Variants in TLL1 observed in about 807,000 individuals in gnomAD.
TLL1 encodes tolloid-like protein 1.
A neutral mutation model predicts 128.2 loss-of-function variants in TLL1; 49 were observed. That is an observed-to-expected ratio of 0.38 (90% CI 0.30 to 0.48). The LOEUF (loss-of-function observed/expected upper bound fraction) is 0.48, where lower values mean the gene tolerates loss of function less well. Ranked by LOEUF, TLL1 falls within the 20% of genes least tolerant of loss-of-function variation. The pLI, the probability that TLL1 is intolerant of heterozygous loss-of-function variation, is 0.96. For missense variants in TLL1, 1,123 were observed against 1,242.0 expected (o/e 0.90, Z 1.44); for synonymous variants, 454 against 418.8 (o/e 1.08, Z -1.03).
intron 1 of TLL1, among the ~76,000 whole-genome samples, chr4:165,957,804 C>T (rs1347320583): frequency 5.3e-5 from 8 of 150,026 alleles, no homozygotes; most frequent in Admixed American, 2.0e-4. Context: ...GCTGGTGTGC[C>T]GCACCCATTA....
chr4:165,968,448 T>A (rs1299333347), intron 1 of TLL1, among the ~76,000 whole-genome samples: 2 of 152,136 alleles, frequency 1.3e-5, no homozygotes, highest in African/African-American at 4.8e-5. Context: ...ATTCTCTACA[T>A]AGGAATACAG....
Position 165,873,864 on chromosome 4 carries a change from C to T in TLL1, c.-41C>T. On this transcript the variant is annotated 5_prime_UTR_variant, in exon 1 of 21. Transcript: ENST00000061240. ...ATCAGCGCGGACCGCGGCTGCCTAA[C>T]CTCTGGGTCCCGTCCCCTCCTTTTC... 6.2e-7 allele frequency: 1 copy of T among 1,611,716 alleles called. No individual in the cohort carries two copies.
intron 1 of TLL1, among the ~76,000 whole-genome samples, chr4:165,985,629 A>G (rs1255478097): frequency 1.3e-5 from 2 of 152,042 alleles, no homozygotes; most frequent in Non-Finnish European, 2.9e-5. Context: ...GTTAGAGCTC[A>G]CTGAGGAATT....
chr4:165,941,636 G>A lies in TLL1; in HGVS notation c.170-47745G>A, dbSNP rs144027960. Among the ~76,000 whole-genome samples, 332 of 152,212 alleles carry A rather than the reference G, an allele frequency of 2.2e-3. 1 individual carries two copies. In the East Asian group the frequency reaches 0.039, roughly 18 times the overall value. The stretch of plus-strand genomic sequence containing the variant: ...TAATGCCCAGTGTCAACATAAAAAT[G>A]TACCTGATTTGAAGTATATTCATTT... On this transcript the variant is annotated intron_variant, in intron 1 of 20. Coordinates refer to ENST00000061240, the MANE Select transcript of TLL1 (RefSeq NM_012464.5).
intron 15 of TLL1, 59 bp downstream of exon 15, chr4:166,060,247 C>G: frequency 6.6e-7 from 1 of 1,515,360 alleles, no homozygotes; most frequent in East Asian, 2.3e-5. Context: ...TGAAGGCAAA[C>G]TGTGAAATTA....
chr4:165,950,898 A>G (rs1274396615), intron 1 of TLL1, among the ~76,000 whole-genome samples: 2 of 152,086 alleles, frequency 1.3e-5, no homozygotes, highest in African/African-American at 4.8e-5. Flanking sequence ...AGGAAATCAT[A>G]AAGATCAAAG....
intron 1 of TLL1, among the ~76,000 whole-genome samples, chr4:165,903,919 TG>T (rs112659814): frequency 6.6e-5 from 10 of 152,196 alleles, no homozygotes; most frequent in African/African-American, 1.4e-4. Context: ...AGGGTTTTTT[TG>T]GTATAAAAGT....
At chr4:165,963,123 ACAATAGAT>A (rs1241574519) in intron 1 of TLL1, among the ~76,000 whole-genome samples, 1 of 151,194 alleles carries the variant, frequency 6.6e-6, no homozygotes, top group East Asian at 1.9e-4. Flanking sequence ...AAAGATGGGA[ACAATAGAT>A]CAATAGATAA....
At chr4:166,093,075 C>A (rs923166231) in intron 19 of TLL1, among the ~76,000 whole-genome samples, 5 of 152,220 alleles carry the variant, frequency 3.3e-5, no homozygotes, top group East Asian at 1.9e-4. Context: ...AAGGGGTGGC[C>A]TGCCTCTCCA....
At position 166,099,084 on chromosome 4, in the gene TLL1, G is replaced by C. The variant is rs1175605728; in HGVS notation, c.2657-193G>C. Among the ~76,000 whole-genome samples the C allele has an allele frequency of 3.9e-5, 6 of 152,202 alleles. No individual in the cohort carries two copies. In the East Asian group the frequency reaches 1.2e-3, roughly 30 times the overall value. ...CACTGGGACTGAGATTCCAACCCAG[G>C]TCGTCCATGTCTGGGGCCTGGGTGG... On this transcript the variant is annotated intron_variant, in intron 19 of 20. Coordinates refer to ENST00000061240, the MANE Select transcript of TLL1 (RefSeq NM_012464.5).
intron 17 of TLL1, among the ~76,000 whole-genome samples, chr4:166,076,673 A>T (rs1741045768): frequency 6.6e-6 from 1 of 152,174 alleles, no homozygotes; most frequent in Admixed American, 6.5e-5. Flanking sequence ...CATCCTGCAG[A>T]GTTCACATTT....
chr4:166,044,285 C>T, intron 12 of TLL1: 1 of 1,225,206 alleles, frequency 8.2e-7, no homozygotes, highest in Non-Finnish European at 1.2e-6. Context: ...CCCTACTACC[C>T]AGTGGGTAGT....
chr4:165,943,908 T>C (rs779361349), intron 1 of TLL1, among the ~76,000 whole-genome samples: 1 of 152,144 alleles, frequency 6.6e-6, no homozygotes, highest in Non-Finnish European at 1.5e-5. Flanking sequence ...GCTTTCCTTT[T>C]AGGAATTGAC....
chr4:166,086,648 T>C (rs1741529168), intron 18 of TLL1, among the ~76,000 whole-genome samples: 1 of 152,136 alleles, frequency 6.6e-6, no homozygotes, highest in Non-Finnish European at 1.5e-5. Flanking sequence ...CAAGAGGCCA[T>C]GGAAGCCTCA....
rs62327245 is a variant in TLL1 at position 165,974,358 on chromosome 4, C to T, written c.170-15023C>T. ...GGTTTCACCGTTTTAGCCGGGATGG[C>T]CTCGATCTCCTGACCTCGTGATCCG... On this transcript the variant is annotated intron_variant, in intron 1 of 20. Coordinates refer to ENST00000061240, the MANE Select transcript of TLL1 (RefSeq NM_012464.5). Among the ~76,000 whole-genome samples, 37 of 129,494 alleles carry T rather than the reference C, an allele frequency of 2.9e-4. 3 individuals carry two copies. Among genetic ancestry groups the T allele is most frequent in the African/African-American group, 1.6e-3 (35 of 21,774 alleles). 85.0% of individuals were successfully genotyped at this position (129,494 alleles called of 152,430 possible). A position where few individuals can be genotyped will look rare whatever the true frequency, so the allele number is the denominator to read the frequency against.
intron 2 of TLL1, 22 bp downstream of exon 2, chr4:165,989,513 A>G (rs80130536): frequency 0.029 from 44,994 of 1,574,034 alleles, 801 homozygotes; most frequent in Middle Eastern, 0.046. Flanking sequence ...TGTTTCAGAA[A>G]ATTTGTCTTT....
intron 1 of TLL1, among the ~76,000 whole-genome samples, chr4:165,923,783 T>A (rs1480428459): frequency 6.6e-6 from 1 of 152,152 alleles, no homozygotes; most frequent in East Asian, 1.9e-4. Context: ...TCACAGATAC[T>A]GCATTTTTTT....
At chr4:165,907,390 A>G (rs1732312834) in intron 1 of TLL1, among the ~76,000 whole-genome samples, 1 of 152,152 alleles carries the variant, frequency 6.6e-6, no homozygotes, top group South Asian at 2.1e-4. Flanking sequence ...AAATGTGTGT[A>G]TTTTATTTTA....
chr4:166,032,989 C>A (rs1048857685), intron 9 of TLL1, among the ~76,000 whole-genome samples: 31 of 152,024 alleles, frequency 2.0e-4, no homozygotes, highest in African/African-American at 7.5e-4. Flanking sequence ...ATATGAAATT[C>A]TTTAATCTTA....
Sources: allele counts gnomAD v4.1 joint callset (sites outside exome capture counted in the v4.1 genomes callset), GRCh38; gene constraint gnomAD v4.1.1; transcripts MANE v1.5; gene names NCBI Gene and HGNC (gene_info 2026-07-23, HGNC 2026-07-21).